The following PDGFD variants were observed in gnomAD, a reference collection of about 807,000 sequenced individuals.
PDGFD encodes platelet-derived growth factor D.
Under a neutral mutation model 44.7 loss-of-function variants are expected in PDGFD, and 30 were observed. The ratio of observed to expected loss-of-function variants is 0.67; its 90% CI spans 0.50 to 0.91. PDGFD has a LOEUF of 0.91. Among genes scored for constraint, PDGFD ranks in the 40% least tolerant of loss-of-function variants. The pLI, the probability that PDGFD is intolerant of heterozygous loss-of-function variation, is 0.00. For missense variants in PDGFD, 445 were observed against 457.8 expected (o/e 0.97, Z 0.25); for synonymous variants, 173 against 168.4 (o/e 1.03, Z -0.21).
At chr11:103,993,373 G>A (rs1443247461) in intron 3 of PDGFD, among the ~76,000 whole-genome samples, 1 of 151,448 alleles carries the variant, frequency 6.6e-6, no homozygotes, top group East Asian at 1.9e-4. Context: ...CACCACACTC[G>A]GCCACGAACT....
intron 3 of PDGFD, among the ~76,000 whole-genome samples, chr11:103,964,840 T>G (rs971077957): frequency 6.6e-6 from 1 of 151,976 alleles, no homozygotes; most frequent in Admixed American, 6.6e-5. Context: ...GGCATCAAAA[T>G]ATTTGTGCTC....
intron 1 of PDGFD, among the ~76,000 whole-genome samples, chr11:104,032,437 C>T (rs940720719): frequency 3.9e-5 from 6 of 152,060 alleles, no homozygotes; most frequent in African/African-American, 1.4e-4. Context: ...AAAGGTAATA[C>T]AAGCACATAC....
At chr11:104,101,109 C>A (rs368335451) in intron 1 of PDGFD, among the ~76,000 whole-genome samples, 14,403 of 151,630 alleles carry the variant, frequency 0.095, 746 homozygotes, top group African/African-American at 0.13. Context: ...CAGGGCAATC[C>A]GGCAGGAGAA....
chr11:104,128,640 G>A (rs941635026), intron 1 of PDGFD, among the ~76,000 whole-genome samples: 5 of 152,068 alleles, frequency 3.3e-5, no homozygotes, highest in African/African-American at 1.2e-4. Context: ...GTATAGAATT[G>A]GTTCTGGAAT....
rs1353173155 is a variant in PDGFD at position 104,028,281 on chromosome 11, A to G, written c.125-28026T>C. ...GATAATCCTAGTTATTTTAGTTTAA[A>G]AAATCCAATATCATAAAGGGGTGAT... On this transcript the variant is annotated intron_variant, in intron 1 of 6. Coordinates refer to ENST00000393158, the MANE Select transcript of PDGFD (RefSeq NM_025208.5). Among the ~76,000 whole-genome samples, 13 of 152,130 alleles carry G rather than the reference A, an allele frequency of 8.5e-5. No homozygotes were observed. The East Asian group carries it at 2.5e-3, about 29-fold the overall frequency.
chr11:104,144,538 A>AAAAAAAAACC (rs1565347744), intron 1 of PDGFD, among the ~76,000 whole-genome samples: 39 of 134,274 alleles, frequency 2.9e-4, no homozygotes, highest in African/African-American at 7.7e-4. Flanking sequence ...ACCCAACAAA[A>AAAAAAAAACC]CAAAACAAAC....
At chr11:104,110,888 C>T (rs1861544553) in intron 1 of PDGFD, among the ~76,000 whole-genome samples, 2 of 151,934 alleles carry the variant, frequency 1.3e-5, no homozygotes, top group African/African-American at 4.8e-5. Context: ...TTGAAGGCAA[C>T]TGGAATAGAA....
intron 1 of PDGFD, among the ~76,000 whole-genome samples, chr11:104,084,058 G>A (rs1005010561): frequency 1.3e-5 from 2 of 152,158 alleles, no homozygotes; most frequent in African/African-American, 4.8e-5. Flanking sequence ...GTGATGTTGA[G>A]GAACAATATG....
At chr11:104,144,369 G>C (rs1214694222) in intron 1 of PDGFD, among the ~76,000 whole-genome samples, 2 of 151,688 alleles carry the variant, frequency 1.3e-5, no homozygotes, top group Non-Finnish European at 2.9e-5. Context: ...AGCCAGGCAC[G>C]GTGGCACACG....
intron 5 of PDGFD, among the ~76,000 whole-genome samples, chr11:103,941,875 T>C (rs73614239): frequency 0.04 from 6,087 of 152,192 alleles, 183 homozygotes; most frequent in African/African-American, 0.082. Context: ...TTTCAAAATA[T>C]GTGCATATTT....
At chr11:104,057,059 C>T (rs754825673) in intron 1 of PDGFD, among the ~76,000 whole-genome samples, 6 of 152,110 alleles carry the variant, frequency 3.9e-5, no homozygotes, top group South Asian at 2.1e-4. Flanking sequence ...ACCTAGGAGG[C>T]GGAGATTGCA....
intron 1 of PDGFD, among the ~76,000 whole-genome samples, chr11:104,139,755 C>CTTGTCTGTCT (rs1591183218): frequency 1.2e-5 from 1 of 86,076 alleles, no homozygotes; most frequent in African/African-American, 6.2e-5. Context: ...TAATAAATAA[C>CTTGTCTGTCT]GGCCGGGCGC....
chr11:103,969,414 T>C (rs892946660), intron 3 of PDGFD, among the ~76,000 whole-genome samples: 11 of 150,830 alleles, frequency 7.3e-5, no homozygotes, highest in Non-Finnish European at 1.0e-4. Flanking sequence ...CTCAAGGTTC[T>C]ATAAAACTAC....
Position 103,967,921 on chromosome 11 carries a change from T to A in PDGFD, c.511-20197A>T, listed in dbSNP as rs567020948. Among the ~76,000 whole-genome samples the A allele has an allele frequency of 3.3e-4, 50 of 152,332 alleles. 1 individual carries two copies. In the South Asian group the frequency reaches 7.0e-3, roughly 21 times the overall value. ...AGCTTCTTGAAACAGTTTGTAATTG[T>A]TGCTTACTGCAATTTTGATTACTCT... On this transcript the variant is annotated intron_variant, in intron 3 of 6. Coordinates refer to ENST00000393158, the MANE Select transcript of PDGFD (RefSeq NM_025208.5).
chr11:103,952,375 A>G (rs1348923016), intron 3 of PDGFD, among the ~76,000 whole-genome samples: 1 of 152,254 alleles, frequency 6.6e-6, no homozygotes, highest in Non-Finnish European at 1.5e-5. Context: ...ATAACTCTCT[A>G]CTAGCTCCTA....
rs546704718 is a variant in PDGFD at position 104,054,308 on chromosome 11, C to G, written c.125-54053G>C. Among the ~76,000 whole-genome samples the G allele has an allele frequency of 3.9e-4, 59 of 152,340 alleles. No individual in the cohort carries two copies. In the South Asian group the frequency reaches 0.011, roughly 28 times the overall value. ...CTCAATGTCCTCATCCAGACACACC[C>G]TGCTGACCTTTATCAGTGATTGTGT... On this transcript the variant is annotated intron_variant, in intron 1 of 6. Coordinates refer to ENST00000393158, the MANE Select transcript of PDGFD (RefSeq NM_025208.5).
chr11:103,926,791 TA>T, intron 6 of PDGFD, 120 bp downstream of exon 6: 1 of 1,038,352 alleles, frequency 9.6e-7, no homozygotes, highest in Non-Finnish European at 1.4e-6. Flanking sequence ...TTTCTGCTCC[TA>T]ATCAAACCCT....
rs770122522 is a variant in PDGFD at position 103,943,540 on chromosome 11, A to G, written c.684T>C (p.Asn228=). 1 of 1,613,398 alleles carries G rather than the reference A, an allele frequency of 6.2e-7. No individual in the cohort carries two copies. The highest frequency in any genetic ancestry group is 1.3e-5 in the African/African-American group (1 of 74,998). ...DTVEDLLKYF[N]PESWQEDLEN... Reference sequence around the variant, plus strand: ...CAAGATCTTCTTGCCATGACTCTGGATTGAAGTACTTGAGCAGATCTTCCA... The same window carrying G: ...CAAGATCTTCTTGCCATGACTCTGGGTTGAAGTACTTGAGCAGATCTTCCA... The change falls in exon 5 of 7, where the codon AAT becomes AAC. Residue 228 remains asparagine, a synonymous_variant. Transcript: ENST00000393158.
At chr11:104,119,774 A>AATATAATATATAAGAAATTATATATTAT (rs1861741169) in intron 1 of PDGFD, among the ~76,000 whole-genome samples, 4 of 109,366 alleles carry the variant, frequency 3.7e-5, no homozygotes, top group Non-Finnish European at 6.5e-5. Context: ...TATATGATAA[A>AATATAATATATAAGAAATTATATATTAT]ATATAATATA....
Sources: gnomAD v4.1 joint callset for allele counts (sites outside exome capture counted in the v4.1 genomes callset) on GRCh38, gnomAD v4.1.1 for gene constraint, MANE v1.5 for transcripts, NCBI Gene and HGNC (gene_info 2026-07-23, HGNC 2026-07-21) for gene names.